BBS4: variants seen among roughly 807,000 people sequenced by gnomAD.
BBS4 encodes the protein Bardet-Biedl syndrome 4, also known as BBSome complex member BBS4.
Under a neutral mutation model 71.4 loss-of-function variants are expected in BBS4, and 58 were observed. The observed-to-expected ratio is 0.81, with a 90% CI of 0.66 to 1.01. The LOEUF (loss-of-function observed/expected upper bound fraction) is 1.01, where lower values mean the gene tolerates loss of function less well. BBS4 is among the 50% of genes least tolerant of loss of function. The probability of loss-of-function intolerance (pLI) is 0.00; values close to 1 mark genes in which losing one functional copy is unlikely to be tolerated. For synonymous variants in BBS4, 228 were observed against 216.8 expected, an observed-to-expected ratio of 1.05 and a Z score of -0.46; for missense variants, 660 against 607.9, an observed-to-expected ratio of 1.09 and a Z score of -0.90.
chr15:72,697,469 C>T (rs1248786909), intron 2 of BBS4, among the ~76,000 whole-genome samples: 1 of 152,020 alleles, frequency 6.6e-6, no homozygotes, highest in East Asian at 1.9e-4. Context: ...TAACAACATC[C>T]CTGGCTTCTA....
chr15:72,711,120 A>G (rs1451536390), intron 3 of BBS4, among the ~76,000 whole-genome samples: 1 of 145,976 alleles, frequency 6.9e-6, no homozygotes, highest in Admixed American at 6.8e-5. Flanking sequence ...TTTTTTTGAC[A>G]CCGCTGATCC....
chr15:72,694,318 G>A (rs1595906142), intron 1 of BBS4, among the ~76,000 whole-genome samples: 1 of 151,458 alleles, frequency 6.6e-6, no homozygotes, highest in Non-Finnish European at 1.5e-5. Context: ...AGCCTCCCAA[G>A]TAGCTGGGAC....
chr15:72,694,156 A>G (rs1483896087), intron 1 of BBS4, among the ~76,000 whole-genome samples: 1 of 147,190 alleles, frequency 6.8e-6, no homozygotes, highest in African/African-American at 2.5e-5. Context: ...AAGTGCTGCA[A>G]TTACAGGCAT....
chr15:72,702,393 T>G lies in BBS4; in HGVS notation c.76+7165T>G, dbSNP rs535841195. Among the ~76,000 whole-genome samples, 298 of 152,248 alleles carry G rather than the reference T, an allele frequency of 2.0e-3. 1 individual carries two copies. Among genetic ancestry groups the G allele is most frequent in the Non-Finnish European group, 3.8e-3 (257 of 68,016 alleles). On this transcript the variant is annotated intron_variant, in intron 2 of 15. Transcript: ENST00000268057. ...ATGTTCTCTGAATTGCATAACTCAC[T>G]GGCCTTACGTGACTATTCAGTGGAA...
intron 8 of BBS4, 134 bp from the exon 9 acceptor site, chr15:72,727,806 C>G: frequency 1.4e-6 from 1 of 721,690 alleles, no homozygotes; most frequent in South Asian, 1.5e-5. Context: ...TCCCAAATTG[C>G]CTTCAGGTAT....
At chr15:72,701,365 T>C (rs928361696) in intron 2 of BBS4, among the ~76,000 whole-genome samples, 4 of 152,234 alleles carry the variant, frequency 2.6e-5, no homozygotes, top group African/African-American at 9.6e-5. Flanking sequence ...ATTCATTTTA[T>C]ACTTGATGAA....
At chr15:72,729,711 C>T (rs1428446713) in intron 10 of BBS4, 27 bp downstream of exon 10, 1 of 1,601,990 alleles carries the variant, frequency 6.2e-7, no homozygotes. Context: ...AGGCTCTGGC[C>T]TTCATATAGA....
chr15:72,722,884 T>C (rs1259207119), intron 7 of BBS4, 37 bp downstream of exon 7: 4 of 1,563,258 alleles, frequency 2.6e-6, no homozygotes, highest in East Asian at 2.2e-5. Flanking sequence ...TCACTGAGGG[T>C]GCACTTGTTG....
intron 6 of BBS4, among the ~76,000 whole-genome samples, chr15:72,721,744 C>G (rs1266867120): frequency 1.3e-5 from 2 of 152,132 alleles, no homozygotes; most frequent in Non-Finnish European, 2.9e-5. Flanking sequence ...TCCATGTTTC[C>G]TCAGACAGGG....
chr15:72,735,147 C>G lies in BBS4; in HGVS notation c.1071C>G (p.Ala357=), dbSNP rs2065895873. 6.2e-7 allele frequency: 1 copy of G among 1,613,680 alleles called. No homozygotes were observed. The highest frequency in any genetic ancestry group is 1.3e-5 in the African/African-American group (1 of 74,886). The change falls in exon 13 of 16, where the codon GCC becomes GCG. Residue 357 remains alanine, a synonymous_variant. Coordinates refer to ENST00000268057, the MANE Select transcript of BBS4 (RefSeq NM_033028.5). ...ALTNLEDIEN[A]KRAYAEAVHL... is the part of the protein sequence containing the mutation. ...CCAATCTGGAAGATATAGAAAATGCCAAGAGAGCCTACGCAGAAGCAGTCC... is the reference window on the plus strand; with the variant it reads ...CCAATCTGGAAGATATAGAAAATGCGAAGAGAGCCTACGCAGAAGCAGTCC...
intron 2 of BBS4, among the ~76,000 whole-genome samples, chr15:72,705,587 CTT>C (rs762708438): frequency 0.11 from 9,794 of 86,100 alleles, 308 homozygotes; most frequent in East Asian, 0.39. Context: ...ATGGCTTGTC[CTT>C]TTTTTTTTTT....
intron 2 of BBS4, among the ~76,000 whole-genome samples, chr15:72,709,379 C>T (rs758474199): frequency 1.9e-4 from 29 of 152,148 alleles, no homozygotes; most frequent in African/African-American, 6.5e-4. Context: ...TTCTGTTCAC[C>T]TTCTATAACC....
intron 1 of BBS4, among the ~76,000 whole-genome samples, chr15:72,689,594 G>A (rs1044235605): frequency 2.6e-5 from 4 of 151,998 alleles, no homozygotes; most frequent in Admixed American, 6.6e-5. Context: ...TTAGCCAGAC[G>A]TGGTGGCACG....
chr15:72,708,541 T>C lies in BBS4; in HGVS notation c.77-1159T>C, dbSNP rs193069268. ...GATTGTAAAACGTGTGTTTGAACAA[T>C]ATGAAATCAGTGCACCTTGAACAGA... On this transcript the variant is annotated intron_variant, in intron 2 of 15. Coordinates refer to ENST00000268057, the MANE Select transcript of BBS4 (RefSeq NM_033028.5). Among the ~76,000 whole-genome samples the C allele has an allele frequency of 3.3e-4, 51 of 152,276 alleles. No individual in the cohort carries two copies. The East Asian group carries it at 9.6e-3, about 29-fold the overall frequency.
chr15:72,718,256 A>G (rs955532390), intron 6 of BBS4, among the ~76,000 whole-genome samples: 19 of 152,174 alleles, frequency 1.2e-4, no homozygotes, highest in Admixed American at 7.2e-4. Flanking sequence ...TATCCATCCA[A>G]TATTTTTTAT....
chr15:72,725,363 C>T (rs2065652409), intron 8 of BBS4, among the ~76,000 whole-genome samples: 1 of 152,148 alleles, frequency 6.6e-6, no homozygotes, highest in Admixed American at 6.5e-5. Flanking sequence ...GCCACTGCAC[C>T]TGGCCTTGGT....
At chr15:72,712,344 T>C (rs764835097) in intron 4 of BBS4, 37 bp downstream of exon 4, 3 of 1,584,612 alleles carry the variant, frequency 1.9e-6, no homozygotes, top group South Asian at 2.2e-5. Flanking sequence ...GCTAGAGAAA[T>C]ACACTTTTCC....
intron 2 of BBS4, among the ~76,000 whole-genome samples, chr15:72,708,689 G>A (rs2065309884): frequency 6.6e-6 from 1 of 152,278 alleles, no homozygotes; most frequent in African/African-American, 2.4e-5. Context: ...TGCAAGTAGG[G>A]AAGATATCGC....
intron 10 of BBS4, among the ~76,000 whole-genome samples, chr15:72,730,747 T>C (rs1414720413): frequency 6.6e-6 from 1 of 152,192 alleles, no homozygotes; most frequent in Non-Finnish European, 1.5e-5. Flanking sequence ...TATTAAAGGA[T>C]ACAAACTGAA....
Sources: gnomAD v4.1 joint callset for allele counts (sites outside exome capture counted in the v4.1 genomes callset) on GRCh38, gnomAD v4.1.1 for gene constraint, MANE v1.5 for transcripts, NCBI Gene and HGNC (gene_info 2026-07-23, HGNC 2026-07-21) for gene names.